The following NAALADL2 variants were observed in gnomAD, a reference collection of about 807,000 sequenced individuals.
NAALADL2 encodes N-acetylated alpha-linked acidic dipeptidase like 2, also known as inactive N-acetylated-alpha-linked acidic dipeptidase-like protein 2.
In NAALADL2, 76 loss-of-function variants were observed where a neutral mutation model predicts 87.2. The ratio of observed to expected loss-of-function variants is 0.87; its 90% CI spans 0.72 to 1.05. The LOEUF is 1.05. Among genes scored for constraint, NAALADL2 ranks in the 50% least tolerant of loss-of-function variants. NAALADL2 has a pLI of 0.00. For synonymous variants in NAALADL2, 354 were observed against 331.0 expected, an observed-to-expected ratio of 1.07 and a Z score of -0.75; for missense variants, 1,089 against 945.8, an observed-to-expected ratio of 1.15 and a Z score of -1.99.
chr3:174,794,980 G>A (rs1560232109), intron 3 of NAALADL2, among the ~76,000 whole-genome samples: 1 of 75,048 alleles, frequency 1.3e-5, no homozygotes, highest in African/African-American at 4.5e-5. Flanking sequence ...TTCTAGTCCA[G>A]CTTTTTTTTT....
chr3:175,739,582 T>C (rs1369259916), intron 12 of NAALADL2, among the ~76,000 whole-genome samples: 1 of 152,186 alleles, frequency 6.6e-6, no homozygotes, highest in Non-Finnish European at 1.5e-5. Flanking sequence ...AAGTTAAATG[T>C]ATACAAAAAT....
At chr3:175,571,152 T>C (rs575478241) in intron 9 of NAALADL2, among the ~76,000 whole-genome samples, 40 of 152,344 alleles carry the variant, frequency 2.6e-4, no homozygotes, top group Admixed American at 4.6e-4. Flanking sequence ...TTAATTTTTT[T>C]ATCTTACATG....
At chr3:175,666,368 C>T (rs1161710648) in intron 11 of NAALADL2, among the ~76,000 whole-genome samples, 1 of 152,082 alleles carries the variant, frequency 6.6e-6, no homozygotes, top group East Asian at 1.9e-4. Flanking sequence ...CAAGCTTTTC[C>T]TCAAATACTC....
chr3:174,672,168 C>A (rs950505021), intron 2 of NAALADL2, among the ~76,000 whole-genome samples: 24 of 152,004 alleles, frequency 1.6e-4, no homozygotes, highest in African/African-American at 5.3e-4. Context: ...CAATGCATTT[C>A]AATGTTTACT....
rs1450536219 is a variant in NAALADL2 at position 174,977,585 on chromosome 3, C to T, written c.43+118135C>T. Among the ~76,000 whole-genome samples the T allele has an allele frequency of 3.3e-5, 5 of 152,132 alleles. No homozygotes were observed. The East Asian group carries it at 7.7e-4, about 23-fold the overall frequency. ...TCAGCTTGATTTAAGGCTATTAGGT[C>T]TTCTTTTAAGATGATGTCTTTTAGT... is the stretch of plus-strand genomic sequence containing the variant. On this transcript the variant is annotated intron_variant, in intron 1 of 13. Transcript: ENST00000454872.
At chr3:174,458,460 G>C (rs2108287048) in intron 1 of NAALADL2, 1 of 152,270 alleles carries the variant, frequency 6.6e-6, no homozygotes, top group South Asian at 2.1e-4. Flanking sequence ...CTTAATAAAT[G>C]TTATTTTCCT....
intron 5 of NAALADL2, among the ~76,000 whole-genome samples, chr3:175,429,210 C>CATAT (rs3067102): frequency 5.8e-4 from 86 of 147,958 alleles, no homozygotes; most frequent in Middle Eastern, 3.4e-3. Flanking sequence ...CACACACACA[C>CATAT]ATATATATAC....
At chr3:175,605,585 C>A (rs1385714647) in intron 10 of NAALADL2, among the ~76,000 whole-genome samples, 1 of 150,626 alleles carries the variant, frequency 6.6e-6, no homozygotes, top group African/African-American at 2.4e-5. Flanking sequence ...ACTCTTCCTC[C>A]TTCCCCAGCC....
chr3:175,553,324 A>G (rs941496776), intron 9 of NAALADL2, among the ~76,000 whole-genome samples: 3 of 152,192 alleles, frequency 2.0e-5, no homozygotes, highest in Non-Finnish European at 4.4e-5. Flanking sequence ...ATGTCCTAAA[A>G]GAGCAAATCA....
chr3:174,962,913 C>G (rs1429471882), intron 1 of NAALADL2, among the ~76,000 whole-genome samples: 1 of 152,034 alleles, frequency 6.6e-6, no homozygotes, highest in Non-Finnish European at 1.5e-5. Context: ...ATATAACCTA[C>G]ACATATCTTC....
intron 3 of NAALADL2, among the ~76,000 whole-genome samples, chr3:174,766,202 T>A (rs1416775649): frequency 6.6e-6 from 1 of 152,208 alleles, no homozygotes; most frequent in African/African-American, 2.4e-5. Flanking sequence ...ACTTCTGATA[T>A]CATGTTACCT....
chr3:175,113,178 C>T (rs1724493700), intron 2 of NAALADL2, among the ~76,000 whole-genome samples: 1 of 151,558 alleles, frequency 6.6e-6, no homozygotes, highest in Non-Finnish European at 1.5e-5. Flanking sequence ...ATTATAAGAT[C>T]AGACAGGGTA....
chr3:175,567,618 G>A (rs1717384773), intron 9 of NAALADL2, among the ~76,000 whole-genome samples: 1 of 151,832 alleles, frequency 6.6e-6, no homozygotes, highest in Admixed American at 6.6e-5. Context: ...AATACTTTTT[G>A]TTAACATCCA....
chr3:175,601,013 C>T (rs1273770108), intron 10 of NAALADL2, among the ~76,000 whole-genome samples: 1 of 152,092 alleles, frequency 6.6e-6, no homozygotes, highest in Non-Finnish European at 1.5e-5. Context: ...GTCTTTCCAT[C>T]TGCATTTCTA....
intron 2 of NAALADL2, among the ~76,000 whole-genome samples, chr3:174,672,678 T>A (rs1481758839): frequency 6.6e-6 from 1 of 151,988 alleles, no homozygotes; most frequent in Non-Finnish European, 1.5e-5. Context: ...GGGAAGTGAT[T>A]TTTGAATAAA....
At chr3:175,375,166 A>G (rs1162217270) in intron 5 of NAALADL2, among the ~76,000 whole-genome samples, 1 of 152,202 alleles carries the variant, frequency 6.6e-6, no homozygotes, top group African/African-American at 2.4e-5. Flanking sequence ...CAATATAACC[A>G]AATTGATCAC....
At chr3:174,866,937 T>C (rs999464050) in intron 1 of NAALADL2, among the ~76,000 whole-genome samples, 1 of 151,822 alleles carries the variant, frequency 6.6e-6, no homozygotes, top group Non-Finnish European at 1.5e-5. Flanking sequence ...GGGGCATCTT[T>C]TTTTCTTTTC....
At chr3:174,892,380 ATAAT>A (rs540210704) in intron 1 of NAALADL2, among the ~76,000 whole-genome samples, 101 of 152,330 alleles carry the variant, frequency 6.6e-4, no homozygotes, top group African/African-American at 2.3e-3. Context: ...AGATATTGAA[ATAAT>A]TAAAAAGAAT....
intron 3 of NAALADL2, among the ~76,000 whole-genome samples, chr3:174,833,159 T>G (rs1327675270): frequency 6.6e-6 from 1 of 152,202 alleles, no homozygotes; most frequent in East Asian, 1.9e-4. Flanking sequence ...TCTACTTTTT[T>G]CTGTATGTAC....
Sources: gnomAD v4.1 joint callset for allele counts (sites outside exome capture counted in the v4.1 genomes callset) on GRCh38, gnomAD v4.1.1 for gene constraint, MANE v1.5 for transcripts, NCBI Gene and HGNC (gene_info 2026-07-23, HGNC 2026-07-21) for gene names.